Variants in KIF26B observed in about 807,000 individuals in gnomAD.
The protein encoded by KIF26B is kinesin-like protein KIF26B.
KIF26B carries 63 observed loss-of-function variants against 151.2 expected under a neutral mutation model. The ratio of observed to expected loss-of-function variants is 0.42; its 90% CI spans 0.34 to 0.51. The LOEUF is 0.51. Among genes scored for constraint, KIF26B ranks in the 20% least tolerant of loss-of-function variants. The pLI is 0.07. For synonymous variants in KIF26B, 1,357 were observed against 1,262.1 expected (o/e 1.08, Z -1.59); for missense variants, 2,813 against 2,913.6 (o/e 0.97, Z 0.79).
At position 245,601,478 on chromosome 1, in the gene KIF26B, A is replaced by C. The variant is rs1369169458; in HGVS notation, c.1351-1099A>C. Among the ~76,000 whole-genome samples the C allele has an allele frequency of 2.6e-5, 4 of 152,252 alleles. No homozygotes were observed. The highest frequency in any genetic ancestry group is 5.9e-5 in the Non-Finnish European group (4 of 68,042). ...AAAATTGCATGACAGAGATTTCACCAAACCTGACAACTGATGAGACAAAGA... is the reference window on the plus strand; with the variant it reads ...AAAATTGCATGACAGAGATTTCACCCAACCTGACAACTGATGAGACAAAGA... On this transcript the variant is annotated intron_variant, in intron 5 of 14. Transcript: ENST00000407071. The surrounding 1 kb of genome is among the most constrained non-coding windows in gnomAD (Gnocchi z 4.4).
At chr1:245,675,890 G>A (rs1021553487) in intron 10 of KIF26B, among the ~76,000 whole-genome samples, 4 of 152,224 alleles carry the variant, frequency 2.6e-5, no homozygotes, top group African/African-American at 9.6e-5. Flanking sequence ...TGGGTTAGAA[G>A]TTATTAAAAA....
At chr1:245,593,310 A>G (rs949336050) in intron 5 of KIF26B, among the ~76,000 whole-genome samples, 22 of 151,990 alleles carry the variant, frequency 1.4e-4, no homozygotes, top group African/African-American at 5.3e-4. Context: ...TCCTAATGCT[A>G]TCCCTCCCCT....
intron 10 of KIF26B, among the ~76,000 whole-genome samples, chr1:245,671,512 G>A (rs1458446868): frequency 6.6e-6 from 1 of 152,176 alleles, no homozygotes; most frequent in Non-Finnish European, 1.5e-5. Flanking sequence ...TTAATGGGTA[G>A]AGTTTGTTTG....
At chr1:245,263,118 A>G (rs918700158) in intron 2 of KIF26B, among the ~76,000 whole-genome samples, 8 of 152,238 alleles carry the variant, frequency 5.3e-5, no homozygotes, top group Non-Finnish European at 8.8e-5. Context: ...CTTACAGGTC[A>G]CTGCTTTTGT....
At chr1:245,589,787 T>G (rs957425554) in intron 5 of KIF26B, among the ~76,000 whole-genome samples, 1 of 152,166 alleles carries the variant, frequency 6.6e-6, no homozygotes, top group Non-Finnish European at 1.5e-5. Flanking sequence ...GTTACTGATC[T>G]AGGTGAAAGG....
chr1:245,588,755 C>T (rs987766995), intron 5 of KIF26B, among the ~76,000 whole-genome samples: 4 of 152,214 alleles, frequency 2.6e-5, no homozygotes, highest in East Asian at 3.8e-4. Flanking sequence ...TCCTGCCCCT[C>T]GCTGGCTCAG....
At chr1:245,270,578 G>A (rs1670840759) in intron 2 of KIF26B, among the ~76,000 whole-genome samples, 1 of 152,054 alleles carries the variant, frequency 6.6e-6, no homozygotes, top group Admixed American at 6.6e-5. Flanking sequence ...TTACAGAAAG[G>A]TCTATTTAGG....
chr1:245,400,170 G>T (rs1239548308), intron 3 of KIF26B, among the ~76,000 whole-genome samples: 2 of 152,162 alleles, frequency 1.3e-5, no homozygotes, highest in Non-Finnish European at 2.9e-5. Context: ...ATTTTATATA[G>T]AAGATATTTC....
chr1:245,640,314 C>T (rs186793169), intron 9 of KIF26B, among the ~76,000 whole-genome samples: 5 of 151,040 alleles, frequency 3.3e-5, no homozygotes, highest in Admixed American at 6.6e-5. Context: ...TAGTCTTGAT[C>T]ATTTTTGGTT....
chr1:245,158,870 G>GTGTGTGTGTGGT (rs556695816), intron 2 of KIF26B, among the ~76,000 whole-genome samples: 122 of 42,660 alleles, frequency 2.9e-3, no homozygotes, highest in Middle Eastern at 0.034. Flanking sequence ...GTGTGTGTGT[G>GTGTGTGTGTGGT]GTGTGTGTTT....
At chr1:245,369,486 C>T (rs554099821) in intron 3 of KIF26B, among the ~76,000 whole-genome samples, 26 of 152,284 alleles carry the variant, frequency 1.7e-4, no homozygotes, top group Middle Eastern at 3.4e-3. Context: ...CATTCTTGGA[C>T]GGTCGAAATT....
chr1:245,588,544 C>A (rs994626228), intron 5 of KIF26B, among the ~76,000 whole-genome samples: 2 of 152,186 alleles, frequency 1.3e-5, no homozygotes, highest in African/African-American at 4.8e-5. Context: ...CCAGGCTGTC[C>A]CCTGCACTCA....
At chr1:245,487,986 C>T (rs1359309545) in intron 4 of KIF26B, among the ~76,000 whole-genome samples, 1 of 152,048 alleles carries the variant, frequency 6.6e-6, no homozygotes, top group African/African-American at 2.4e-5. Context: ...TGAGGCTTCT[C>T]CAAGTCGGCC....
At chr1:245,524,929 C>G (rs1343053317) in intron 4 of KIF26B, among the ~76,000 whole-genome samples, 2 of 152,102 alleles carry the variant, frequency 1.3e-5, no homozygotes, top group African/African-American at 4.8e-5. Flanking sequence ...CATTCTCTGT[C>G]TTTTTTGGTC....
At chr1:245,523,455 T>G (rs752109275) in intron 4 of KIF26B, among the ~76,000 whole-genome samples, 5 of 152,150 alleles carry the variant, frequency 3.3e-5, no homozygotes, top group African/African-American at 4.8e-5. Context: ...CTTAGTTCCT[T>G]TGGGTCGTTA....
At chr1:245,297,206 G>A (rs1671352229) in intron 2 of KIF26B, among the ~76,000 whole-genome samples, 1 of 152,150 alleles carries the variant, frequency 6.6e-6, no homozygotes, top group African/African-American at 2.4e-5. Context: ...AGCCGGTCGT[G>A]GTGGCACACA....
chr1:245,373,184 G>A (rs188556637), intron 3 of KIF26B, among the ~76,000 whole-genome samples: 58 of 152,270 alleles, frequency 3.8e-4, no homozygotes, highest in Admixed American at 6.5e-4. Context: ...AGCAGCTAAC[G>A]TGAAAATGTT....
chr1:245,493,126 C>T (rs1355124510), intron 4 of KIF26B, among the ~76,000 whole-genome samples: 3 of 152,092 alleles, frequency 2.0e-5, no homozygotes, highest in African/African-American at 7.2e-5. Context: ...AAACGTGTAG[C>T]AAGCTGACAG....
chr1:245,316,459 A>T (rs139012240), intron 2 of KIF26B, among the ~76,000 whole-genome samples: 1 of 152,030 alleles, frequency 6.6e-6, no homozygotes, highest in African/African-American at 2.4e-5. Flanking sequence ...TTCTTCCCCA[A>T]ATGAGACTAA....
Sources: allele counts gnomAD v4.1 joint callset (sites outside exome capture counted in the v4.1 genomes callset), GRCh38; gene constraint gnomAD v4.1.1; non-coding constraint Gnocchi (gnomAD v3.1); transcripts MANE v1.5; gene names NCBI Gene and HGNC (gene_info 2026-07-23, HGNC 2026-07-21).